ARHGAP42: variants seen among roughly 807,000 people sequenced by gnomAD.
The protein encoded by ARHGAP42 is Rho GTPase activating protein 42.
A neutral mutation model predicts 125.0 loss-of-function variants in ARHGAP42; 63 were observed. That is an observed-to-expected ratio of 0.50 (90% confidence interval 0.41 to 0.62). ARHGAP42 has a LOEUF of 0.62. Ranked by LOEUF, ARHGAP42 falls within the 20% of genes least tolerant of loss-of-function variation. The probability of loss-of-function intolerance (pLI) is 0.00; values close to 1 mark genes in which losing one functional copy is unlikely to be tolerated. For missense variants in ARHGAP42, 766 were observed against 1,024.2 expected (o/e 0.75, Z 3.44); for synonymous variants, 339 against 351.0 (o/e 0.97, Z 0.38).
At chr11:100,962,346 T>G in intron 15 of ARHGAP42, 63 bp from the exon 16 acceptor site, 1 of 1,314,304 alleles carries the variant, frequency 7.6e-7, no homozygotes, top group Non-Finnish European at 1.1e-6. Context: ...AAGAAACACT[T>G]AACGTTTAGG....
At position 100,965,732 on chromosome 11, in the gene ARHGAP42, G is replaced by A. The variant is rs1858074172; in HGVS notation, c.1506G>A (p.Glu502=). The part of the protein sequence containing the change: ...AVHALVHKLP[E]KNREMLDILI... ...ATGCATTGGTGCACAAATTGCCGGA[G>A]AAAAACAGAGAGATGCTGGACATCT... Residue 502 remains glutamate (E), a synonymous_variant, in exon 17 of 24, where the codon GAG becomes GAA. Transcript: ENST00000298815. 6.4e-7 allele frequency: 1 copy of A among 1,551,060 alleles called. No individual in the cohort carries two copies. The highest frequency in any genetic ancestry group is 1.2e-5 in the South Asian group (1 of 84,034).
intron 3 of ARHGAP42, among the ~76,000 whole-genome samples, chr11:100,805,420 T>A (rs994045320): frequency 8.5e-5 from 13 of 152,238 alleles, no homozygotes; most frequent in African/African-American, 3.1e-4. Flanking sequence ...TAGTCATAAG[T>A]TTTGAAATTA....
At chr11:100,865,883 G>C (rs61890806) in intron 4 of ARHGAP42, among the ~76,000 whole-genome samples, 10,710 of 152,222 alleles carry the variant, frequency 0.07, 526 homozygotes, top group East Asian at 0.25. Context: ...GTTGCTGAAG[G>C]CTGGGGTGGC....
intron 4 of ARHGAP42, among the ~76,000 whole-genome samples, chr11:100,881,188 A>T (rs1369296626): frequency 1.3e-5 from 2 of 152,050 alleles, no homozygotes; most frequent in Non-Finnish European, 2.9e-5. Flanking sequence ...AGTTTTTCTG[A>T]TGTTATCTTC....
intron 4 of ARHGAP42, among the ~76,000 whole-genome samples, chr11:100,892,997 A>C (rs533631816): frequency 6.6e-6 from 1 of 152,152 alleles, no homozygotes; most frequent in Admixed American, 6.5e-5. Context: ...ATAACAACTA[A>C]AAGAACTTGT....
chr11:100,926,989 G>A (rs1471415903), intron 6 of ARHGAP42, among the ~76,000 whole-genome samples: 1 of 152,084 alleles, frequency 6.6e-6, no homozygotes, highest in African/African-American at 2.4e-5. Context: ...TAAAGTTAAT[G>A]CAGAAAATGA....
chr11:100,711,602 C>T (rs1733752607), intron 1 of ARHGAP42, among the ~76,000 whole-genome samples: 1 of 152,348 alleles, frequency 6.6e-6, no homozygotes, highest in East Asian at 1.9e-4. Flanking sequence ...AAGTGATCCT[C>T]TTGCCTCAGC....
rs181462852 is a variant in ARHGAP42 at position 100,862,073 on chromosome 11, A to G, written c.384+2448A>G. 1.2e-3 allele frequency among the ~76,000 whole-genome samples: 184 copies of G among 152,318 alleles called. 1 individual carries two copies. The highest frequency in any genetic ancestry group is 4.1e-3 in the African/African-American group (171 of 41,562). ...CCTAGCACAAGGAGAGTCTTTTCAA[A>G]ATTAATAATAGCTAATTTTTATTGG... On this transcript the variant is annotated intron_variant, in intron 4 of 23. Coordinates refer to ENST00000298815, the MANE Select transcript of ARHGAP42 (RefSeq NM_152432.4).
chr11:100,960,816 A>T (rs1375455796), intron 13 of ARHGAP42, 99 bp from the exon 14 acceptor site: 1 of 644,236 alleles, frequency 1.6e-6, no homozygotes, highest in Non-Finnish European at 2.5e-6. Context: ...TTGGATAAGT[A>T]GCTTTCAAAT....
intron 1 of ARHGAP42, among the ~76,000 whole-genome samples, chr11:100,753,852 G>A (rs1358310141): frequency 1.3e-5 from 2 of 152,298 alleles, no homozygotes; most frequent in Non-Finnish European, 2.9e-5. Context: ...ACACTCTGGA[G>A]ACTTACAGTT....
chr11:100,810,936 T>TTTTA (rs1366034243), intron 3 of ARHGAP42, among the ~76,000 whole-genome samples: 23 of 152,166 alleles, frequency 1.5e-4, no homozygotes, highest in African/African-American at 3.6e-4. Flanking sequence ...AAAATGAACA[T>TTTTA]TTTATTTATT....
intron 4 of ARHGAP42, among the ~76,000 whole-genome samples, chr11:100,876,024 T>TA (rs1056670706): frequency 2.6e-5 from 4 of 151,996 alleles, no homozygotes; most frequent in Admixed American, 6.6e-5. Flanking sequence ...TGATTCCTTA[T>TA]AAAAAAAATT....
intron 1 of ARHGAP42, among the ~76,000 whole-genome samples, chr11:100,763,703 TGGTCTC>T (rs1313236479): frequency 1.7e-4 from 26 of 152,220 alleles, no homozygotes; most frequent in Admixed American, 1.3e-3. Context: ...TTGGCCAGGC[TGGTCTC>T]GAACTTCTGA....
Position 100,913,487 on chromosome 11 carries a change from A to G in ARHGAP42, c.420A>G (p.Lys140=). The G allele has an allele frequency of 7.7e-7, 1 of 1,296,712 alleles. No individual in the cohort carries two copies. Among genetic ancestry groups the G allele is most frequent in the Non-Finnish European group, 1.0e-6 (1 of 986,004 alleles). The allele number at this position is 1,296,712 out of a possible 1,614,324, so 80.3% of individuals were successfully genotyped here. The change falls in exon 5 of 24, where the codon AAA becomes AAG. Residue 140 remains lysine, a synonymous_variant. Transcript: ENST00000298815. The stretch of plus-strand genomic sequence containing the variant: ...AGAAGTTTGACAAAGAGAGTGAAAA[A>G]TATTACTCTATCCTTGAAAAGCATT... ...GKKKFDKESE[K]YYSILEKHLN...
In ARHGAP42 at chr11:100,974,472, C is replaced by T; in HGVS notation, c.1724C>T (p.Ala575Val). The T allele has an allele frequency of 6.5e-7, 1 of 1,549,410 alleles. No individual in the cohort carries two copies. The highest frequency in any genetic ancestry group is 8.7e-7 in the Non-Finnish European group (1 of 1,146,468). ...IEHYEKIFHT[A>V]PDPSIPLPQP... ...TCTTATACGTAGATTTTTCATACTGCTCCAGACCCAAGCATTCCTCTTCCT... is the reference window on the plus strand; with the variant it reads ...TCTTATACGTAGATTTTTCATACTGTTCCAGACCCAAGCATTCCTCTTCCT... The change falls in exon 19 of 24, where the codon GCT becomes GTT. Residue 575 changes from alanine (A) to valine (V), a missense_variant. Around this residue, in one of 3 missense-constraint regions of ARHGAP42, gnomAD observed 308 missense variants for 369.7 expected, o/e 0.83. Transcript: ENST00000298815.
rs1252549779 is a variant in ARHGAP42, at chr11:100,987,592, GGT to G, written c.2536+1_2536+2del. ...CCCACAAGGAGCAATATTTTCTAAT[GGT>G]AAGTATGTCAATTCCCTCTGCCTAA... On this transcript the variant is annotated splice_donor_variant, in intron 23 of 23. Coordinates refer to ENST00000298815, the MANE Select transcript of ARHGAP42 (RefSeq NM_152432.4). LOFTEE classifies it high-confidence loss of function. 9.0e-6 allele frequency: 14 copies of G among 1,550,856 alleles called. No individual in the cohort carries two copies.
At position 100,933,126 on chromosome 11, in the gene ARHGAP42, C is replaced by T. The variant is rs1409621590; in HGVS notation, c.598-30C>T. The T allele has an allele frequency of 4.9e-6, 7 of 1,418,028 alleles. No homozygotes were observed. In the East Asian group the frequency reaches 1.7e-4, roughly 35 times the overall value. The allele number at this position is 1,418,028 out of a possible 1,614,324, so 87.8% of individuals were successfully genotyped here. On this transcript the variant is annotated intron_variant, in intron 6 of 23. Transcript: ENST00000298815. The stretch of plus-strand genomic sequence containing the variant: ...TTAAATGATCATTAAAACACATTTT[C>T]ATGGTTTCTTTATCTCTTTATCTTT...
intron 1 of ARHGAP42, among the ~76,000 whole-genome samples, chr11:100,707,833 T>A (rs1264436403): frequency 6.6e-6 from 1 of 152,192 alleles, no homozygotes; most frequent in Non-Finnish European, 1.5e-5. Context: ...TTGCTTGGTG[T>A]TGAGAGTTAG....
intron 4 of ARHGAP42, among the ~76,000 whole-genome samples, chr11:100,866,608 G>T (rs1865575712): frequency 6.6e-6 from 1 of 152,180 alleles, no homozygotes; most frequent in African/African-American, 2.4e-5. Context: ...GGAAGGGGAA[G>T]CTATCACCTT....
Sources: gnomAD v4.1 joint callset for allele counts (sites outside exome capture counted in the v4.1 genomes callset) on GRCh38, gnomAD v4.1.1 for gene constraint, gnomAD v4.1.1 regional missense constraint, MANE v1.5 for transcripts, NCBI Gene and HGNC (gene_info 2026-07-23, HGNC 2026-07-21) for gene names.